MYO3B: variants seen among roughly 807,000 people sequenced by gnomAD.
MYO3B encodes myosin IIIB.
Under a neutral mutation model 174.6 loss-of-function variants are expected in MYO3B, and 156 were observed. The ratio of observed to expected loss-of-function variants is 0.89; its 90% CI spans 0.78 to 1.02. The LOEUF (loss-of-function observed/expected upper bound fraction) is 1.02. MYO3B is among the 50% of genes least tolerant of loss of function. The pLI, the probability that MYO3B is intolerant of heterozygous loss-of-function variation, is 0.00. For missense variants in MYO3B, 1,632 were observed against 1,639.4 expected (o/e 1.00, Z 0.08); for synonymous variants, 563 against 569.1 (o/e 0.99, Z 0.15).
At chr2:170,616,676 T>C (rs1488221951) in intron 32 of MYO3B, among the ~76,000 whole-genome samples, 1 of 152,192 alleles carries the variant, frequency 6.6e-6, no homozygotes, top group Non-Finnish European at 1.5e-5. Context: ...ATAGTACAAA[T>C]TATACACAGA....
Position 170,402,978 on chromosome 2 carries a change from GT to G in MYO3B, c.2265del (p.Phe755LeufsTer110). On this transcript the variant is annotated frameshift_variant, in exon 19 of 35. Transcript: ENST00000408978. LOFTEE classifies it high-confidence loss of function. ...EQIQYYFNQHVFALEQMEYQN... is the reference protein window; with the variant it reads ...EQIQYYFNQHXFALEQMEYQN... ...AATCCAGTACTATTTCAATCAGCAT[GT>G]TTTTGCTCTTGAGCAGGTAATAGTG... 3 of 1,601,864 alleles carry G rather than the reference GT, an allele frequency of 1.9e-6. No homozygotes were observed. Among genetic ancestry groups the G allele is most frequent in the African/African-American group, 1.3e-5 (1 of 74,942 alleles).
chr2:170,235,787 C>A (rs2093063077), intron 6 of MYO3B, among the ~76,000 whole-genome samples: 1 of 152,172 alleles, frequency 6.6e-6, no homozygotes, highest in Non-Finnish European at 1.5e-5. Flanking sequence ...ACAAAACTGA[C>A]ACATTTGTAA....
chr2:170,470,271 C>G (rs1280772729), intron 25 of MYO3B, among the ~76,000 whole-genome samples: 3 of 152,130 alleles, frequency 2.0e-5, no homozygotes, highest in Admixed American at 2.0e-4. Flanking sequence ...CTCAATCCCA[C>G]CAAACTTAGG....
intron 21 of MYO3B, among the ~76,000 whole-genome samples, chr2:170,406,792 T>C (rs532070288): frequency 1.3e-5 from 2 of 152,312 alleles, no homozygotes; most frequent in East Asian, 1.9e-4. Context: ...TCAAAGCTTA[T>C]TTGTAGAGAA....
At chr2:170,560,981 T>C (rs1438871047) in intron 32 of MYO3B, among the ~76,000 whole-genome samples, 1 of 152,228 alleles carries the variant, frequency 6.6e-6, no homozygotes, top group Admixed American at 6.5e-5. Context: ...TATTTACCCA[T>C]GTCCAGAGCA....
At chr2:170,637,370 G>C (rs1697603702) in intron 32 of MYO3B, among the ~76,000 whole-genome samples, 1 of 151,822 alleles carries the variant, frequency 6.6e-6, no homozygotes, top group Admixed American at 6.6e-5. Context: ...ACAGGGTTTT[G>C]CTATGTTGGA....
At chr2:170,528,973 A>C (rs1689168958) in intron 30 of MYO3B, among the ~76,000 whole-genome samples, 1 of 152,230 alleles carries the variant, frequency 6.6e-6, no homozygotes, top group South Asian at 2.1e-4. Flanking sequence ...GAACATTTTC[A>C]AACCCATTTT....
At chr2:170,420,120 G>A (rs2094605510) in intron 22 of MYO3B, among the ~76,000 whole-genome samples, 1 of 152,072 alleles carries the variant, frequency 6.6e-6, no homozygotes, top group Non-Finnish European at 1.5e-5. Flanking sequence ...CCCGGGATGC[G>A]GAGGTGGCAG....
chr2:170,448,456 C>A (rs1683388431), intron 23 of MYO3B, among the ~76,000 whole-genome samples: 1 of 152,206 alleles, frequency 6.6e-6, no homozygotes, highest in Non-Finnish European at 1.5e-5. Flanking sequence ...TCCTGCTGAA[C>A]AGGGGGCATA....
chr2:170,640,244 G>A (rs1423720725), intron 32 of MYO3B: 2 of 152,324 alleles, frequency 1.3e-5, no homozygotes, highest in Non-Finnish European at 2.9e-5. Flanking sequence ...TTTTTAAAAA[G>A]CCCTTCAGAT....
chr2:170,474,238 A>G (rs1685167820), intron 25 of MYO3B, among the ~76,000 whole-genome samples: 1 of 152,144 alleles, frequency 6.6e-6, no homozygotes, highest in African/African-American at 2.4e-5. Context: ...CAACATTAGC[A>G]GCAAGAGAGT....
At chr2:170,560,258 C>T (rs528896812) in intron 32 of MYO3B, among the ~76,000 whole-genome samples, 2 of 152,288 alleles carry the variant, frequency 1.3e-5, no homozygotes, top group South Asian at 4.1e-4. Flanking sequence ...TGAATCTTTA[C>T]TGCATTTGAG....
chr2:170,429,005 T>C (rs1389439762), intron 22 of MYO3B, among the ~76,000 whole-genome samples: 1 of 152,206 alleles, frequency 6.6e-6, no homozygotes. Flanking sequence ...TGAATCATAA[T>C]CCTGCACAAT....
chr2:170,530,319 C>T (rs1368848636), intron 30 of MYO3B, among the ~76,000 whole-genome samples: 1 of 152,200 alleles, frequency 6.6e-6, no homozygotes, highest in Non-Finnish European at 1.5e-5. Flanking sequence ...TCAACACAGT[C>T]TGGAGACGCA....
chr2:170,320,022 A>G (rs1296905516), intron 7 of MYO3B, among the ~76,000 whole-genome samples: 2 of 152,376 alleles, frequency 1.3e-5, no homozygotes, highest in South Asian at 2.1e-4. Flanking sequence ...AAGAAATACT[A>G]AAGGTTGTCC....
chr2:170,538,364 A>G (rs1689861932), intron 30 of MYO3B, among the ~76,000 whole-genome samples: 1 of 152,210 alleles, frequency 6.6e-6, no homozygotes, highest in Admixed American at 6.5e-5. Context: ...GGTTATTGCA[A>G]CTCAGCTCTC....
intron 32 of MYO3B, among the ~76,000 whole-genome samples, chr2:170,580,697 A>G (rs988006308): frequency 1.2e-4 from 17 of 142,686 alleles, no homozygotes; most frequent in African/African-American, 3.7e-4. Context: ...TATAAGCTTC[A>G]GGTCCCACAA....
intron 22 of MYO3B, among the ~76,000 whole-genome samples, chr2:170,418,343 G>A (rs1477417139): frequency 2.0e-5 from 3 of 152,176 alleles, no homozygotes; most frequent in Non-Finnish European, 4.4e-5. Flanking sequence ...ACTAAGCTGA[G>A]TTAAAATGCA....
At chr2:170,379,608 G>C (rs2105727557) in intron 9 of MYO3B, among the ~76,000 whole-genome samples, 1 of 152,314 alleles carries the variant, frequency 6.6e-6, no homozygotes, top group East Asian at 1.9e-4. Context: ...TGGCTAGCTA[G>C]AGGCAGGCAG....
Sources: allele counts gnomAD v4.1 joint callset (sites outside exome capture counted in the v4.1 genomes callset), GRCh38; gene constraint gnomAD v4.1.1; transcripts MANE v1.5; gene names NCBI Gene and HGNC (gene_info 2026-07-23, HGNC 2026-07-21).